Variants in ADGRG6 observed in about 807,000 individuals in gnomAD.
ADGRG6 encodes the protein G-protein coupled receptor 126.
A neutral mutation model predicts 142.4 loss-of-function variants in ADGRG6; 84 were observed. The ratio of observed to expected loss-of-function variants is 0.59; its 90% confidence interval spans 0.49 to 0.71. ADGRG6 has a LOEUF of 0.71. Among genes scored for constraint, ADGRG6 ranks in the 30% least tolerant of loss-of-function variants. The pLI is 0.00. For missense variants in ADGRG6, 1,367 were observed against 1,466.6 expected (o/e 0.93, Z 1.11); for synonymous variants, 521 against 520.5 (o/e 1.00, Z -0.01).
intron 2 of ADGRG6, among the ~76,000 whole-genome samples, chr6:142,334,451 C>A (rs1275178796): frequency 2.0e-5 from 3 of 152,208 alleles, no homozygotes; most frequent in Non-Finnish European, 4.4e-5. Flanking sequence ...TTACCTAACT[C>A]TCCACACGTA....
intron 4 of ADGRG6, among the ~76,000 whole-genome samples, chr6:142,377,171 A>G (rs753447175): frequency 1.3e-5 from 2 of 152,208 alleles, no homozygotes; most frequent in Admixed American, 6.5e-5. Context: ...TTGTCACACA[A>G]CTAGGAAAAT....
chr6:142,425,350 A>C (rs1477377513), intron 22 of ADGRG6, among the ~76,000 whole-genome samples: 6 of 152,164 alleles, frequency 3.9e-5, no homozygotes, highest in Non-Finnish European at 8.8e-5. Context: ...AGAGCTAGAG[A>C]GATGTGCACA....
chr6:142,367,994 T>C (rs1562342562), intron 3 of ADGRG6, 84 bp downstream of exon 3: 2 of 718,374 alleles, frequency 2.8e-6, no homozygotes, highest in Non-Finnish European at 4.7e-6. Flanking sequence ...GACAGAGTTA[T>C]GCTCTTTTAT....
chr6:142,421,721 AT>A, intron 22 of ADGRG6, among the ~76,000 whole-genome samples: 1 of 152,238 alleles, frequency 6.6e-6, no homozygotes, highest in South Asian at 2.1e-4. Context: ...GGGATGTTTT[AT>A]TTTTCCCAGC....
At chr6:142,426,093 T>G (rs1209451088) in intron 22 of ADGRG6, among the ~76,000 whole-genome samples, 1 of 152,114 alleles carries the variant, frequency 6.6e-6, no homozygotes, top group Non-Finnish European at 1.5e-5. Flanking sequence ...CCCTCCCAGA[T>G]CTCATGTCCT....
intron 6 of ADGRG6, among the ~76,000 whole-genome samples, chr6:142,384,701 C>A (rs994798037): frequency 6.6e-6 from 1 of 152,014 alleles, no homozygotes; most frequent in Non-Finnish European, 1.5e-5. Flanking sequence ...AGTCATTTAG[C>A]TTATGAGGCC....
rs775849911 is a variant in ADGRG6 at position 142,402,019 on chromosome 6, G to T, written c.1705G>T (p.Val569Leu). Residue 569 changes from valine to leucine, a missense_variant, in exon 12 of 25, where the codon GTA becomes TTA. Coordinates refer to ENST00000367609, the MANE Select transcript of ADGRG6 (RefSeq NM_198569.3). ...TTTTTACAATGCTACCAACCCATTG[G>T]TAACCTACTGGGGACCTGTTGATAT... ...ICFYNATNPL[V>L]TYWGPVDISN... 28 of 1,552,184 alleles carry T rather than the reference G, an allele frequency of 1.8e-5. No individual in the cohort carries two copies. The highest frequency in any genetic ancestry group is 9.1e-5 in the East Asian group (4 of 43,928).
intron 2 of ADGRG6, among the ~76,000 whole-genome samples, chr6:142,327,847 A>T (rs916887680): frequency 6.6e-6 from 1 of 152,104 alleles, no homozygotes; most frequent in African/African-American, 2.4e-5. Context: ...CAAGAATCCT[A>T]CATTTTGAGA....
chr6:142,397,469 A>G, intron 9 of ADGRG6, 144 bp from the exon 10 acceptor site: 1 of 606,812 alleles, frequency 1.6e-6, no homozygotes, highest in Non-Finnish European at 2.9e-6. Context: ...ACAGCAGCAG[A>G]GAAAGTCTGT....
intron 2 of ADGRG6, among the ~76,000 whole-genome samples, chr6:142,354,746 A>G (rs1780361088): frequency 6.6e-6 from 1 of 152,238 alleles, no homozygotes; most frequent in African/African-American, 2.4e-5. Flanking sequence ...ACAAAATTGC[A>G]TATATGTAAA....
rs138096135 is a variant in ADGRG6 at position 142,375,802 on chromosome 6, C to T, written c.1069+5009C>T. Among the ~76,000 whole-genome samples, 159 of 151,954 alleles carry T rather than the reference C, an allele frequency of 1.0e-3. 1 individual carries two copies. The East Asian group carries it at 0.028, about 26-fold the overall frequency. On this transcript the variant is annotated intron_variant, in intron 4 of 24. Coordinates refer to ENST00000367609, the MANE Select transcript of ADGRG6 (RefSeq NM_198569.3). The stretch of plus-strand genomic sequence containing the variant: ...GTATATTGCTAAATAAATTTTAGTA[C>T]GAAAGTAACATAGTAGAATTGAACT...
At chr6:142,354,958 T>A (rs1229779144) in intron 2 of ADGRG6, among the ~76,000 whole-genome samples, 2 of 152,226 alleles carry the variant, frequency 1.3e-5, no homozygotes, top group African/African-American at 4.8e-5. Flanking sequence ...ATCATTTTGA[T>A]TTCTTTGAAT....
intron 22 of ADGRG6, among the ~76,000 whole-genome samples, chr6:142,420,719 G>A (rs1776621979): frequency 6.6e-6 from 1 of 152,016 alleles, no homozygotes. Context: ...AAAATACCAG[G>A]CTTCCTTCAA....
At chr6:142,332,299 A>G (rs1196080618) in intron 2 of ADGRG6, among the ~76,000 whole-genome samples, 3 of 152,218 alleles carry the variant, frequency 2.0e-5, no homozygotes, top group African/African-American at 4.8e-5. Flanking sequence ...AAGTCCTAGC[A>G]TATTAGTGAT....
At chr6:142,420,156 G>A (rs537619149) in intron 22 of ADGRG6, 52 bp downstream of exon 22, 2 of 1,424,588 alleles carry the variant, frequency 1.4e-6, no homozygotes, top group South Asian at 1.2e-5. Context: ...TGTCATATTT[G>A]CAAGCAGCTT....
intron 2 of ADGRG6, among the ~76,000 whole-genome samples, chr6:142,345,384 A>G (rs527538969): frequency 3.3e-5 from 5 of 152,228 alleles, no homozygotes; most frequent in South Asian, 4.1e-4. Context: ...CATTGTCTAC[A>G]TGATGAAAAT....
intron 4 of ADGRG6, among the ~76,000 whole-genome samples, chr6:142,376,707 G>A (rs1246199562): frequency 2.0e-5 from 3 of 151,956 alleles, no homozygotes; most frequent in Admixed American, 6.6e-5. Context: ...CTTTGCAAAG[G>A]ACTTTATACT....
At chr6:142,311,264 A>G (rs1777756518) in intron 2 of ADGRG6, among the ~76,000 whole-genome samples, 1 of 151,802 alleles carries the variant, frequency 6.6e-6, no homozygotes, top group South Asian at 2.1e-4. Context: ...ATTTTTTGTT[A>G]TTTCCTGCAT....
chr6:142,392,889 G>A, intron 7 of ADGRG6, 59 bp from the exon 8 acceptor site: 2 of 1,109,438 alleles, frequency 1.8e-6, no homozygotes, highest in South Asian at 2.6e-5. Context: ...GTAGAAACTT[G>A]AATTAGATAT....
Sources: allele counts gnomAD v4.1 joint callset (sites outside exome capture counted in the v4.1 genomes callset), GRCh38; gene constraint gnomAD v4.1.1; transcripts MANE v1.5; gene names NCBI Gene and HGNC (gene_info 2026-07-23, HGNC 2026-07-21).